The following NCKAP5 variants were observed in gnomAD, a reference collection of about 807,000 sequenced individuals.
The protein encoded by NCKAP5 is nck-associated protein 5.
Under a neutral mutation model 167.0 loss-of-function variants are expected in NCKAP5, and 92 were observed. The observed-to-expected ratio is 0.55, with a 90% CI of 0.47 to 0.66. The LOEUF (loss-of-function observed/expected upper bound fraction) is 0.66. Ranked by LOEUF, NCKAP5 falls within the 30% of genes least tolerant of loss-of-function variation. NCKAP5 has a pLI of 0.00. For synonymous variants in NCKAP5, 891 were observed against 877.4 expected (o/e 1.02, Z -0.27); for missense variants, 2,378 against 2,315.0 (o/e 1.03, Z -0.56).
At chr2:133,597,673 C>CAAAAAAAAAAAAAAAAA in the NCKAP5 span, among the ~76,000 whole-genome samples, 9 of 61,106 alleles carry the variant, frequency 1.5e-4, no homozygotes, top group African/African-American at 3.3e-4. Context: ...GACTCTGTCT[C>CAAAAAAAAAAAAAAAAA]AAAAAAAAAA....
intron 2 of NCKAP5, among the ~76,000 whole-genome samples, chr2:133,550,067 T>G (rs1267178038): frequency 1.3e-5 from 2 of 151,638 alleles, no homozygotes; most frequent in African/African-American, 4.8e-5. Context: ...AATCTCTGAA[T>G]AGACCAATAA....
rs527705526 is a variant in NCKAP5 at position 133,236,070 on chromosome 2, CAAAAAAAAAAAAA to C, written c.144-22304_144-22292del. ...GACAAATCAAGACCCTGTCTCAGAC[CAAAAAAAAAAAAA>C]AAAAAAAAAAAAAAAAGCTGTGATA... is the stretch of plus-strand genomic sequence containing the variant. On this transcript the variant is annotated intron_variant, in intron 4 of 19. Transcript: ENST00000409261. 1.9e-3 allele frequency among the ~76,000 whole-genome samples: 30 copies of C among 15,676 alleles called. No individual in the cohort carries two copies. The Admixed American group carries it at 0.019, about 10-fold the overall frequency. The allele number at this position is 15,676 out of a possible 152,430, so 10.3% of individuals were successfully genotyped here. A position where few individuals can be genotyped will look rare whatever the true frequency, so the allele number is the denominator to read the frequency against.
intron 5 of NCKAP5, among the ~76,000 whole-genome samples, chr2:133,189,863 C>T (rs1450504559): frequency 2.0e-5 from 3 of 152,158 alleles, no homozygotes; most frequent in Non-Finnish European, 4.4e-5. Flanking sequence ...AAAACTGGCA[C>T]AAGACAGGGA....
chr2:132,908,393 A>G (rs1291758156), intron 8 of NCKAP5, among the ~76,000 whole-genome samples: 1 of 152,136 alleles, frequency 6.6e-6, no homozygotes, highest in Non-Finnish European at 1.5e-5. Flanking sequence ...AAATGCAAGT[A>G]TCCAGAATCA....
chr2:133,018,770 C>T (rs1253287680), intron 6 of NCKAP5, among the ~76,000 whole-genome samples: 8 of 152,278 alleles, frequency 5.3e-5, no homozygotes, highest in Admixed American at 3.9e-4. Context: ...TACTCAGAGG[C>T]AGGAGGAACA....
chr2:132,823,193 T>G (rs986591229), intron 11 of NCKAP5, among the ~76,000 whole-genome samples: 1 of 152,124 alleles, frequency 6.6e-6, no homozygotes, highest in Non-Finnish European at 1.5e-5. Context: ...TAGAAGAAGC[T>G]CAAATAACAC....
chr2:133,134,230 C>A (rs567102801), intron 5 of NCKAP5, among the ~76,000 whole-genome samples: 1 of 152,364 alleles, frequency 6.6e-6, no homozygotes, highest in South Asian at 2.1e-4. Flanking sequence ...CCTTCCACCA[C>A]TTCACAGTAA....
At chr2:133,292,370 A>G (rs748086228) in intron 4 of NCKAP5, among the ~76,000 whole-genome samples, 1 of 150,870 alleles carries the variant, frequency 6.6e-6, no homozygotes, top group East Asian at 1.9e-4. Flanking sequence ...TAATACATGC[A>G]TTTATGTCAA....
At chr2:133,178,873 A>G (rs1346635699) in intron 5 of NCKAP5, among the ~76,000 whole-genome samples, 1 of 151,660 alleles carries the variant, frequency 6.6e-6, no homozygotes, top group Non-Finnish European at 1.5e-5. Flanking sequence ...CTCCTAATAT[A>G]AACCAGCAGG....
intron 19 of NCKAP5, among the ~76,000 whole-genome samples, chr2:132,700,851 A>G (rs1314288477): frequency 6.9e-6 from 1 of 143,898 alleles, no homozygotes; most frequent in African/African-American, 2.6e-5. Context: ...AAGACAATCC[A>G]TTTCAACTTT....
intron 2 of NCKAP5, among the ~76,000 whole-genome samples, chr2:133,558,788 T>A (rs1449890364): frequency 7.0e-6 from 1 of 142,864 alleles, no homozygotes; most frequent in East Asian, 2.1e-4. Flanking sequence ...GGGGTGCACA[T>A]TGTTCTCTGT....
At position 132,893,774 on chromosome 2, in the gene NCKAP5, T is replaced by C. The variant is rs530940876; in HGVS notation, c.580-14858A>G. The stretch of plus-strand genomic sequence containing the variant: ...GGTGCCCTAGGCTACTAGCAATGTT[T>C]CATTTGTGGACCTGGTGGCAGGTAC... On this transcript the variant is annotated intron_variant, in intron 8 of 19. Coordinates refer to ENST00000409261, the MANE Select transcript of NCKAP5 (RefSeq NM_207363.3). Among the ~76,000 whole-genome samples, 245 of 152,308 alleles carry C rather than the reference T, an allele frequency of 1.6e-3. 1 individual carries two copies. The highest frequency in any genetic ancestry group is 5.4e-3 in the African/African-American group (224 of 41,572).
intron 5 of NCKAP5, among the ~76,000 whole-genome samples, chr2:133,139,348 T>C (rs2082912807): frequency 1.3e-5 from 2 of 152,224 alleles, no homozygotes; most frequent in Admixed American, 6.5e-5. Flanking sequence ...GTGGGGTGTG[T>C]GTGTATACAC....
At chr2:132,953,602 T>C (rs1278198518) in intron 8 of NCKAP5, among the ~76,000 whole-genome samples, 1 of 150,026 alleles carries the variant, frequency 6.7e-6, no homozygotes, top group African/African-American at 2.5e-5. Flanking sequence ...GGCCTAGAAA[T>C]GCCAAAGGAG....
chr2:132,784,530 A>G lies in NCKAP5; in HGVS notation c.2281T>C (p.Ser761Pro). 6.4e-7 allele frequency: 1 copy of G among 1,568,350 alleles called. No homozygotes were observed. Among genetic ancestry groups the G allele is most frequent in the South Asian group, 1.2e-5 (1 of 82,212 alleles). The part of the protein sequence containing the change: ...VPRVSTESFS[S>P]RTVTQNPQQQ... ...TGAGGATTTTGTGTCACTGTCCTGGAGCTGAAAGATTCAGTGGACACCCTG... is the reference window on the plus strand; with the variant it reads ...TGAGGATTTTGTGTCACTGTCCTGGGGCTGAAAGATTCAGTGGACACCCTG... Residue 761 changes from serine (S) to proline (P), a missense_variant, in exon 14 of 20, where the codon TCC (serine) becomes CCC (proline). By Grantham distance (74) the Ser-to-Pro change is moderately conservative. Around this residue, in one of 3 missense-constraint regions of NCKAP5, gnomAD observed 1,049 missense variants for 1,023.4 expected, o/e 1.02. Transcript: ENST00000409261.
chr2:132,828,627 A>G (rs1687296936), intron 11 of NCKAP5, among the ~76,000 whole-genome samples: 1 of 152,184 alleles, frequency 6.6e-6, no homozygotes. Flanking sequence ...GTATTTCTTT[A>G]TAGCAGTGCA....
At chr2:132,685,014 G>A (rs527895147) in intron 19 of NCKAP5, among the ~76,000 whole-genome samples, 1 of 152,308 alleles carries the variant, frequency 6.6e-6, no homozygotes, top group Non-Finnish European at 1.5e-5. Context: ...AGCTAAAAAT[G>A]TAATGTTTGA....
In NCKAP5 at chr2:133,236,027, C is replaced by T. The variant is rs115366516; in HGVS notation, c.144-22248G>A. On this transcript the variant is annotated intron_variant, in intron 4 of 19. Coordinates refer to ENST00000409261, the MANE Select transcript of NCKAP5 (RefSeq NM_207363.3). Reference sequence around the variant, plus strand: ...GCTGCAGTGAGCCAAGATCACATCACTGCCCTGCAACTTGGGTGACAAATC... The same window carrying T: ...GCTGCAGTGAGCCAAGATCACATCATTGCCCTGCAACTTGGGTGACAAATC... 3.0e-3 allele frequency among the ~76,000 whole-genome samples: 412 copies of T among 136,926 alleles called. 2 individuals are homozygous for T. Among genetic ancestry groups the T allele is most frequent in the African/African-American group, 0.011 (380 of 35,780 alleles). 89.8% of individuals were successfully genotyped at this position (136,926 alleles called of 152,430 possible).
In NCKAP5 at chr2:132,905,529, T is replaced by C. The variant is rs191457010; in HGVS notation, c.580-26613A>G. ...ATTTTTTCTACTTGTCAAGATTTAA[T>C]CCAACCTTAAATTTTGGGAAAAAGT... On this transcript the variant is annotated intron_variant, in intron 8 of 19. Coordinates refer to ENST00000409261, the MANE Select transcript of NCKAP5 (RefSeq NM_207363.3). 3.9e-5 allele frequency among the ~76,000 whole-genome samples: 6 copies of C among 152,314 alleles called. No homozygotes were observed. In the East Asian group the frequency reaches 1.2e-3, roughly 29 times the overall value.
Sources: allele counts gnomAD v4.1 joint callset (sites outside exome capture counted in the v4.1 genomes callset), GRCh38; gene constraint gnomAD v4.1.1; regional missense constraint gnomAD v4.1.1; transcripts MANE v1.5; gene names NCBI Gene and HGNC (gene_info 2026-07-23, HGNC 2026-07-21).